MYO15A: variants seen among roughly 807,000 people sequenced by gnomAD.
The protein encoded by MYO15A is myosin XVA.
In MYO15A, 308 loss-of-function variants were observed where a neutral mutation model predicts 394.6. That is an observed-to-expected ratio of 0.78 (90% CI 0.71 to 0.86). The LOEUF (loss-of-function observed/expected upper bound fraction) is 0.86, where lower values mean the gene tolerates loss of function less well. Ranked by LOEUF, MYO15A falls within the 40% of genes least tolerant of loss-of-function variation. The probability of loss-of-function intolerance (pLI) is 0.00; values close to 1 mark genes in which losing one functional copy is unlikely to be tolerated. For synonymous variants in MYO15A, 1,957 were observed against 2,003.8 expected (o/e 0.98, Z 0.62); for missense variants, 4,606 against 4,799.1 (o/e 0.96, Z 1.19).
chr17:18,151,618 T>C, intron 40 of MYO15A, 91 bp downstream of exon 40: 3 of 1,532,454 alleles, frequency 2.0e-6, no homozygotes, highest in Non-Finnish European at 2.7e-6. Context: ...TGAAGCGCCC[T>C]GCCCAGCTCC....
Position 18,156,315 on chromosome 17 carries a change from C to T in MYO15A, c.8580C>T (p.Asp2860=), listed in dbSNP as rs781503764. ...RAHQVKTLVD[D]FILELKKDSD... is the part of the protein sequence containing the mutation. ...ACCAGGTCAAGACCCTGGTAGATGACTTCATCTTGGAGCTGAAGAAGGTCA... is the reference window on the plus strand; with the variant it reads ...ACCAGGTCAAGACCCTGGTAGATGATTTCATCTTGGAGCTGAAGAAGGTCA... Residue 2860 remains aspartate (D), a synonymous_variant, in exon 48 of 66, where the codon GAC becomes GAT. Transcript: ENST00000647165. The T allele has an allele frequency of 9.9e-6, 16 of 1,614,074 alleles. No homozygotes were observed. In the South Asian group the frequency reaches 1.4e-4, roughly 14 times the overall value.
At chr17:18,172,385 A>G in intron 64 of MYO15A, 95 bp downstream of exon 64, 1 of 1,546,298 alleles carries the variant, frequency 6.5e-7, no homozygotes, top group Admixed American at 1.7e-5. Flanking sequence ...GCCGAAGCCC[A>G]GTTCCACTGC....
chr17:18,144,349 C>T (rs2046437734), intron 28 of MYO15A, 148 bp from the exon 29 acceptor site: 1 of 654,794 alleles, frequency 1.5e-6, no homozygotes, highest in South Asian at 1.5e-5. Context: ...TGTGGTGGCC[C>T]CTCACCAGCC....
At position 18,131,291 on chromosome 17, in the gene MYO15A, G is replaced by A. The variant is rs1295342309; in HGVS notation, c.4091G>A (p.Arg1364Lys). ...LESFGNAKTV[R>K]NDNSSRFGKF... The stretch of plus-strand genomic sequence containing the variant: ...TCCTTCGGTAATGCCAAAACCGTCA[G>A]GAACGACAACTCCAGCCGCTTTGGG... The change falls in exon 9 of 66, where the codon AGG becomes AAG. Residue 1364 changes from arginine (R) to lysine (K), a missense_variant. By Grantham distance (26) the Arg-to-Lys change is conservative (BLOSUM62 2). Around this residue, in one of 2 missense-constraint regions of MYO15A, gnomAD observed 2,776 missense variants for 3,109.3 expected, o/e 0.89. Transcript: ENST00000647165. 1.2e-6 allele frequency: 2 copies of A among 1,613,990 alleles called. No homozygotes were observed. The highest frequency in any genetic ancestry group is 8.5e-7 in the Non-Finnish European group (1 of 1,180,008).
chr17:18,131,285 C>T lies in MYO15A; in HGVS notation c.4085C>T (p.Thr1362Ile). Reference protein sequence around the residue: ...PLLESFGNAKTVRNDNSSRFG... With the variant: ...PLLESFGNAKIVRNDNSSRFG... Reference sequence around the variant, plus strand: ...TTGGAGTCCTTCGGTAATGCCAAAACCGTCAGGAACGACAACTCCAGCCGC... The same window carrying T: ...TTGGAGTCCTTCGGTAATGCCAAAATCGTCAGGAACGACAACTCCAGCCGC... The change falls in exon 9 of 66, where the codon ACC becomes ATC. Residue 1362 changes from threonine (T) to isoleucine (I), a missense_variant. By Grantham distance (89) the Thr-to-Ile change is moderately conservative. Around this residue, in one of 2 missense-constraint regions of MYO15A, gnomAD observed 2,776 missense variants for 3,109.3 expected, o/e 0.89. Coordinates refer to ENST00000647165, the MANE Select transcript of MYO15A (RefSeq NM_016239.4). 2.5e-6 allele frequency: 4 copies of T among 1,614,018 alleles called. No individual in the cohort carries two copies. The highest frequency in any genetic ancestry group is 1.1e-5 in the South Asian group (1 of 91,074).
intron 30 of MYO15A, 52 bp downstream of exon 30, chr17:18,146,159 T>C: frequency 1.9e-6 from 3 of 1,571,014 alleles, no homozygotes; most frequent in Non-Finnish European, 2.6e-6. Flanking sequence ...GCACCAGCAG[T>C]GGAGCCCAAG....
At position 18,118,647 on chromosome 17, in the gene MYO15A, C is replaced by G; in HGVS notation, c.-154C>G. The G allele has an allele frequency of 8.5e-7, 1 of 1,170,764 alleles. No individual in the cohort carries two copies. The highest frequency in any genetic ancestry group is 1.5e-5 in the South Asian group (1 of 65,170). The allele number at this position is 1,170,764 out of a possible 1,614,324, so 72.5% of individuals were successfully genotyped here. On this transcript the variant is annotated 5_prime_UTR_variant, in exon 2 of 66. Coordinates refer to ENST00000647165, the MANE Select transcript of MYO15A (RefSeq NM_016239.4). The stretch of plus-strand genomic sequence containing the variant: ...CCGCCCTCCCGGAATCCTGGCTCGG[C>G]CCTCCCCACGCCACCCAGGGCCAGT...
chr17:18,140,919 C>G (rs762897984), intron 21 of MYO15A, 87 bp downstream of exon 21: 15 of 1,612,532 alleles, frequency 9.3e-6, no homozygotes, highest in Non-Finnish European at 1.3e-5. Context: ...CTCTCAGGAC[C>G]TGCATCTGCC....
At chr17:18,144,753 T>C (rs2046446538) in intron 29 of MYO15A, among the ~76,000 whole-genome samples, 161 bp downstream of exon 29, 1 of 144,132 alleles carries the variant, frequency 6.9e-6, no homozygotes, top group Admixed American at 7.1e-5. Context: ...AAATCTGGCT[T>C]CCTCTCTGAG....
intron 64 of MYO15A, 181 bp from the exon 65 acceptor site, chr17:18,173,600 G>A (rs1016116071): frequency 9.5e-6 from 7 of 739,818 alleles, no homozygotes; most frequent in Non-Finnish European, 7.2e-6. Context: ...TATAGGTGAG[G>A]AAACTGAGGT....
rs1198092738 is a variant in MYO15A, at chr17:18,172,255, C to T, written c.10315C>T (p.His3439Tyr). 6.2e-7 allele frequency: 1 copy of T among 1,614,200 alleles called. No individual in the cohort carries two copies. Among genetic ancestry groups the T allele is most frequent in the East Asian group, 2.2e-5 (1 of 44,888 alleles). ...VPAPCILAIN[H>Y]NGLNFLSTET... ...AGCCCCTTGCATCCTTGCCATCAAC[C>T]ACAATGGCCTCAACTTTCTCAGCAC... Residue 3439 changes from histidine to tyrosine, a missense_variant, in exon 64 of 66, where the codon CAC (histidine) becomes TAC (tyrosine). His to Tyr is a moderately conservative substitution (Grantham distance 83, BLOSUM62 2). Coordinates refer to ENST00000647165, the MANE Select transcript of MYO15A (RefSeq NM_016239.4).
chr17:18,155,329 G>A lies in MYO15A; in HGVS notation c.8356G>A (p.Gly2786Ser). 2 of 1,613,804 alleles carry A rather than the reference G, an allele frequency of 1.2e-6. No individual in the cohort carries two copies. The highest frequency in any genetic ancestry group is 1.3e-5 in the African/African-American group (1 of 75,058). Residue 2786 changes from glycine to serine, a missense_variant, in exon 47 of 66, where the codon GGT (glycine) becomes AGT (serine). By Grantham distance (56) the Gly-to-Ser change is moderately conservative. Around this residue, in one of 2 missense-constraint regions of MYO15A, gnomAD observed 2,776 missense variants for 3,109.3 expected, o/e 0.89. Coordinates refer to ENST00000647165, the MANE Select transcript of MYO15A (RefSeq NM_016239.4). ...IFPATGSVGT[G>S]VQLLAVSHVG... Reference sequence around the variant, plus strand: ...TCTGCCCCAGGGCAGCGTGGGCACTGGTGTGCAGCTCCTAGCTGTGTCCCA... The same window carrying A: ...TCTGCCCCAGGGCAGCGTGGGCACTAGTGTGCAGCTCCTAGCTGTGTCCCA...
chr17:18,156,141 T>C, intron 47 of MYO15A, 54 bp from the exon 48 acceptor site: 1 of 1,612,672 alleles, frequency 6.2e-7, no homozygotes, highest in Non-Finnish European at 8.5e-7. Flanking sequence ...GCACAATAGG[T>C]GGAAGGAGGG....
rs1330631412 is a variant in MYO15A at position 18,161,330 on chromosome 17, C to T, written c.9400C>T (p.Arg3134Ter). The T allele has an allele frequency of 9.9e-6, 16 of 1,613,808 alleles. No individual in the cohort carries two copies. The highest frequency in any genetic ancestry group is 1.3e-5 in the Non-Finnish European group (15 of 1,180,008). The change falls in exon 57 of 66, where the codon CGA becomes TGA. Residue 3134 changes from arginine (R) to a stop codon, truncating the protein, a stop_gained. Coordinates refer to ENST00000647165, the MANE Select transcript of MYO15A (RefSeq NM_016239.4). LOFTEE classifies it high-confidence loss of function. ...NTSSKQDSCQRGWRLLYIVTA... is the reference protein window; with the variant it reads ...NTSSKQDSCQ ...GTGTCCTTGCAGGGACAGCTGCCAGCGAGGCTGGAGGCTGCTGTATATCGT... is the reference window on the plus strand; with the variant it reads ...GTGTCCTTGCAGGGACAGCTGCCAGTGAGGCTGGAGGCTGCTGTATATCGT...
chr17:18,161,166 T>C (rs1352998847), intron 56 of MYO15A, 151 bp from the exon 57 acceptor site: 1 of 1,187,418 alleles, frequency 8.4e-7, no homozygotes, highest in Non-Finnish European at 1.2e-6. Context: ...AAGCAGAATA[T>C]GCCTTTTGCA....
intron 48 of MYO15A, 99 bp from the exon 49 acceptor site, chr17:18,156,855 C>A: frequency 9.3e-7 from 1 of 1,078,746 alleles, no homozygotes; most frequent in Non-Finnish European, 1.4e-6. Context: ...GCTCCCTTCC[C>A]TGATGAGTCA....
chr17:18,125,387 C>G, intron 4 of MYO15A, 156 bp downstream of exon 4: 1 of 768,190 alleles, frequency 1.3e-6, no homozygotes, highest in Non-Finnish European at 2.2e-6. Context: ...AGTCTTAAAA[C>G]ACAGTCTTAG....
Position 18,155,097 on chromosome 17 carries a change from T to C in MYO15A, c.8225-13T>C, listed in dbSNP as rs748943724. 1.2e-5 allele frequency: 20 copies of C among 1,610,322 alleles called. No homozygotes were observed. The East Asian group carries it at 3.6e-4, about 29-fold the overall frequency. ...GTGGGGAGAGGGTCCTGACCAGACC[T>C]GGCCTCCCATAGCCCAGAACCAGCT... On this transcript the variant is annotated splice_polypyrimidine_tract_variant and intron_variant, in intron 45 of 65. Transcript: ENST00000647165.
rs761386683 is a variant in MYO15A, at chr17:18,159,009, C to A, written c.9156+12C>A. 6.2e-7 allele frequency: 1 copy of A among 1,613,108 alleles called. No homozygotes were observed. The highest frequency in any genetic ancestry group is 2.2e-5 in the East Asian group (1 of 44,846). On this transcript the variant is annotated intron_variant, in intron 53 of 65. Transcript: ENST00000647165. ...TTTGCTTCACCAAGGTGTCCAGTCCCGGACCTCAGTTTCCCCATCTGTAAA... is the reference window on the plus strand; with the variant it reads ...TTTGCTTCACCAAGGTGTCCAGTCCAGGACCTCAGTTTCCCCATCTGTAAA...
Sources: gnomAD v4.1 joint callset for allele counts (sites outside exome capture counted in the v4.1 genomes callset) on GRCh38, gnomAD v4.1.1 for gene constraint, gnomAD v4.1.1 regional missense constraint, MANE v1.5 for transcripts, NCBI Gene and HGNC (gene_info 2026-07-23, HGNC 2026-07-21) for gene names.